ATF7IP: variants seen among roughly 807,000 people sequenced by gnomAD.
ATF7IP encodes the protein activating transcription factor 7-interacting protein 1.
ATF7IP carries 23 observed loss-of-function variants against 106.4 expected under a neutral mutation model. The observed-to-expected ratio is 0.22, with a 90% CI of 0.16 to 0.31. The LOEUF (loss-of-function observed/expected upper bound fraction) is 0.31, where lower values mean the gene tolerates loss of function less well. Among genes scored for constraint, ATF7IP ranks in the 10% least tolerant of loss-of-function variants. The pLI is 1.00. For missense variants in ATF7IP, 1,334 were observed against 1,524.3 expected (o/e 0.88, Z 2.08); for synonymous variants, 542 against 539.0 (o/e 1.01, Z -0.08).
At chr12:14,476,065 A>G (rs771015675) in intron 11 of ATF7IP, 97 bp downstream of exon 11, 21 of 903,124 alleles carry the variant, frequency 2.3e-5, no homozygotes, top group Non-Finnish European at 3.3e-5. Context: ...TTATGGCATT[A>G]TGCTTGGTTT....
At chr12:14,375,817 A>G (rs1436820284) in intron 1 of ATF7IP, among the ~76,000 whole-genome samples, 1 of 152,242 alleles carries the variant, frequency 6.6e-6, no homozygotes, top group Non-Finnish European at 1.5e-5. Flanking sequence ...TTAGTCAGTC[A>G]TGAATATTTA....
chr12:14,372,251 TA>T, intron 1 of ATF7IP, among the ~76,000 whole-genome samples: 1 of 152,092 alleles, frequency 6.6e-6, no homozygotes, highest in Non-Finnish European at 1.5e-5. Context: ...CAAAGAAAAT[TA>T]AACTTTTTAT....
intron 12 of ATF7IP, among the ~76,000 whole-genome samples, chr12:14,479,881 A>G (rs1944380944): frequency 6.6e-6 from 1 of 152,298 alleles, no homozygotes; most frequent in South Asian, 2.1e-4. Context: ...GAGCTGTATT[A>G]TCTGTCTTTC....
At chr12:14,391,902 G>A (rs1939575422) in intron 1 of ATF7IP, among the ~76,000 whole-genome samples, 1 of 151,846 alleles carries the variant, frequency 6.6e-6, no homozygotes, top group Admixed American at 6.6e-5. Flanking sequence ...TGTATTTTTA[G>A]TAGACACGGG....
intron 11 of ATF7IP, among the ~76,000 whole-genome samples, chr12:14,476,960 T>G (rs1944283578): frequency 6.6e-6 from 1 of 152,190 alleles, no homozygotes. Flanking sequence ...TAAATTGATT[T>G]TTTTCTTAAT....
chr12:14,435,394 A>G (rs563667142), intron 3 of ATF7IP, among the ~76,000 whole-genome samples: 1 of 152,334 alleles, frequency 6.6e-6, no homozygotes, highest in South Asian at 2.1e-4. Flanking sequence ...AGGGATAGGC[A>G]TGGTCACATA....
intron 1 of ATF7IP, among the ~76,000 whole-genome samples, chr12:14,381,984 T>TA (rs796682152): frequency 1.2e-4 from 18 of 148,142 alleles, no homozygotes; most frequent in South Asian, 8.5e-4. Context: ...AAGAGTGAAA[T>TA]AAAAAAAAAA....
At chr12:14,449,791 G>C (rs7971626) in intron 6 of ATF7IP, among the ~76,000 whole-genome samples, 1,928 of 151,040 alleles carry the variant, frequency 0.013, 52 homozygotes, top group African/African-American at 0.045. Context: ...GGGTAATACA[G>C]ATATTTTAAC....
At chr12:14,380,822 G>A (rs1938973893) in intron 1 of ATF7IP, among the ~76,000 whole-genome samples, 1 of 152,154 alleles carries the variant, frequency 6.6e-6, no homozygotes, top group African/African-American at 2.4e-5. Context: ...GTTTTGCCAT[G>A]TTGGCCAAGC....
At chr12:14,409,097 CAG>C (rs1471939410) in intron 1 of ATF7IP, among the ~76,000 whole-genome samples, 3 of 151,820 alleles carry the variant, frequency 2.0e-5, no homozygotes, top group Admixed American at 2.0e-4. Context: ...TGAGATTTGA[CAG>C]AGATTAAAAT....
intron 10 of ATF7IP, among the ~76,000 whole-genome samples, chr12:14,469,495 A>G (rs1439635212): frequency 6.6e-6 from 1 of 151,972 alleles, no homozygotes; most frequent in Non-Finnish European, 1.5e-5. Flanking sequence ...GATATCCCCA[A>G]ATAAGTATTT....
At chr12:14,404,660 C>T (rs1438161290) in intron 1 of ATF7IP, among the ~76,000 whole-genome samples, 1 of 152,130 alleles carries the variant, frequency 6.6e-6, no homozygotes, top group East Asian at 1.9e-4. Context: ...TTTCACAACT[C>T]TCTTTTTTTT....
At chr12:14,454,193 CTCTGGGCTTT>C (rs1943329398) in intron 6 of ATF7IP, among the ~76,000 whole-genome samples, 1 of 152,082 alleles carries the variant, frequency 6.6e-6, no homozygotes, top group African/African-American at 2.4e-5. Context: ...TATGTGTCTT[CTCTGGGCTTT>C]TGCTTGTACT....
At chr12:14,368,601 AT>A (rs1399738831) in intron 1 of ATF7IP, among the ~76,000 whole-genome samples, 2 of 152,182 alleles carry the variant, frequency 1.3e-5, no homozygotes, top group Non-Finnish European at 2.9e-5. Context: ...AATTTGCAAA[AT>A]TGATAAAAAC....
chr12:14,432,951 A>C (rs1337098551), intron 2 of ATF7IP, among the ~76,000 whole-genome samples: 4 of 152,192 alleles, frequency 2.6e-5, no homozygotes, highest in African/African-American at 9.7e-5. Context: ...AGAGACATTG[A>C]TTGATTGACC....
At chr12:14,469,517 G>A (rs1943959717) in intron 10 of ATF7IP, among the ~76,000 whole-genome samples, 1 of 151,662 alleles carries the variant, frequency 6.6e-6, no homozygotes, top group Non-Finnish European at 1.5e-5. Flanking sequence ...TTAACATATT[G>A]CATATAATTT....
intron 1 of ATF7IP, among the ~76,000 whole-genome samples, chr12:14,371,698 A>C (rs1003593608): frequency 6.6e-6 from 1 of 152,158 alleles, no homozygotes; most frequent in Non-Finnish European, 1.5e-5. Context: ...CAGTAGTTAT[A>C]GAATGTTCAT....
intron 13 of ATF7IP, among the ~76,000 whole-genome samples, chr12:14,484,818 C>A (rs1944545460): frequency 6.6e-6 from 1 of 152,164 alleles, no homozygotes; most frequent in South Asian, 2.1e-4. Context: ...TATACTGCTT[C>A]CATTTGATGA....
At chr12:14,372,535 A>G (rs1474182026) in intron 1 of ATF7IP, among the ~76,000 whole-genome samples, 3 of 151,886 alleles carry the variant, frequency 2.0e-5, no homozygotes, top group Non-Finnish European at 4.4e-5. Flanking sequence ...TTGGACCTAT[A>G]TGAATATGAG....
Sources: allele counts gnomAD v4.1 joint callset (sites outside exome capture counted in the v4.1 genomes callset), GRCh38; gene constraint gnomAD v4.1.1; transcripts MANE v1.5; gene names NCBI Gene and HGNC (gene_info 2026-07-23, HGNC 2026-07-21).